PHACTR2: variants seen among roughly 807,000 people sequenced by gnomAD.
PHACTR2 encodes the protein chromosome 6 open reading frame 56.
A neutral mutation model predicts 76.0 loss-of-function variants in PHACTR2; 30 were observed. That is an observed-to-expected ratio of 0.39 (90% CI 0.30 to 0.54). The LOEUF is 0.54. Among genes scored for constraint, PHACTR2 ranks in the 20% least tolerant of loss-of-function variants. The pLI, the probability that PHACTR2 is intolerant of heterozygous loss-of-function variation, is 0.61. For synonymous variants in PHACTR2, 292 were observed against 292.5 expected (o/e 1.00, Z 0.02); for missense variants, 696 against 781.1 (o/e 0.89, Z 1.30).
intron 1 of PHACTR2, among the ~76,000 whole-genome samples, chr6:143,563,768 G>A (rs150883340): frequency 0.01 from 1,574 of 151,528 alleles, 32 homozygotes; most frequent in African/African-American, 0.036. Flanking sequence ...GGACAAGGCA[G>A]GTGGATCACT....
rs534911063 is a variant in PHACTR2 at position 143,756,790 on chromosome 6, G to A, written c.454+2878G>A. 5.1e-4 allele frequency among the ~76,000 whole-genome samples: 77 copies of A among 152,058 alleles called. 1 individual carries two copies. In the South Asian group the frequency reaches 0.011, roughly 22 times the overall value. ...ATAAGAAATCTTATGGCTCACGCCT[G>A]TAATCTCAGCACTTTGAGAGGCCAA... On this transcript the variant is annotated intron_variant, in intron 4 of 12. Transcript: ENST00000440869.
intron 7 of PHACTR2, among the ~76,000 whole-genome samples, chr6:143,773,743 A>G (rs1311022988): frequency 6.6e-6 from 1 of 152,228 alleles, no homozygotes; most frequent in Non-Finnish European, 1.5e-5. Context: ...TTGTGCAATC[A>G]TTCATTTCTA....
In PHACTR2 at chr6:143,787,610, T is replaced by G. The variant is rs1271430424; in HGVS notation, c.1708-1163T>G. 6.6e-6 allele frequency among the ~76,000 whole-genome samples: 1 copy of G among 152,130 alleles called. No homozygotes were observed. Among genetic ancestry groups the G allele is most frequent in the East Asian group, 1.9e-4 (1 of 5,176 alleles). ...TAATGACTACAGAATGTAGACCCAG[T>G]GCAAAATAAGGAATATCTCTGGACA... On this transcript the variant is annotated intron_variant, in intron 10 of 12. Coordinates refer to ENST00000440869, the MANE Select transcript of PHACTR2 (RefSeq NM_001100164.2). This position sits in a 1 kb window ranked among gnomAD's most constrained non-coding sequence, Gnocchi z 4.6.
In PHACTR2 at chr6:143,743,981, C is replaced by T. The variant is rs1446869477; in HGVS notation, c.215-5004C>T. Among the ~76,000 whole-genome samples, 2 of 152,206 alleles carry T rather than the reference C, an allele frequency of 1.3e-5. No individual in the cohort carries two copies. The highest frequency in any genetic ancestry group is 4.8e-5 in the African/African-American group (2 of 41,440). On this transcript the variant is annotated intron_variant, in intron 2 of 12. Coordinates refer to ENST00000440869, the MANE Select transcript of PHACTR2 (RefSeq NM_001100164.2). This position sits in a 1 kb window ranked among gnomAD's most constrained non-coding sequence, Gnocchi z 5.0. The stretch of plus-strand genomic sequence containing the variant: ...AAAAGCCAGCGGCATATGCTCCAGC[C>T]TCTTTTCCTGAGTGCAGCTCCACAG...
At chr6:143,643,919 G>C (rs982934992) in intron 1 of PHACTR2, among the ~76,000 whole-genome samples, 1 of 152,062 alleles carries the variant, frequency 6.6e-6, no homozygotes, top group African/African-American at 2.4e-5. Context: ...ATGTGATGTT[G>C]CTTACTGGAT....
rs1778690042 is a variant in PHACTR2 at position 143,731,130 on chromosome 6, A to G, written c.215-17855A>G. Among the ~76,000 whole-genome samples the G allele has an allele frequency of 6.6e-6, 1 of 152,182 alleles. No individual in the cohort carries two copies. On this transcript the variant is annotated intron_variant, in intron 2 of 12. Coordinates refer to ENST00000440869, the MANE Select transcript of PHACTR2 (RefSeq NM_001100164.2). This position sits in a 1 kb window ranked among gnomAD's most constrained non-coding sequence, Gnocchi z 4.9. ...TGACTTTCTAAGAGTATTTATTATG[A>G]ATAGATATTGGATTTCTCAAACGCA...
intron 1 of PHACTR2, among the ~76,000 whole-genome samples, chr6:143,651,145 A>G (rs995352818): frequency 6.6e-6 from 1 of 152,222 alleles, no homozygotes; most frequent in Non-Finnish European, 1.5e-5. Context: ...TTGAGATGCC[A>G]TCTCATGCCA....
rs1454960076 is a variant in PHACTR2 at position 143,650,861 on chromosome 6, AC to A, written c.13+42540del. 5.9e-5 allele frequency among the ~76,000 whole-genome samples: 9 copies of A among 152,338 alleles called. No homozygotes were observed. The South Asian group carries it at 1.7e-3, about 28-fold the overall frequency. ...TCTAATCAAACTAAAGAGCTTCTGA[AC>A]AACAAAAAAAACTGTCATCAGAATG... On this transcript the variant is annotated intron_variant, in intron 1 of 11. Transcript: ENST00000305766.
chr6:143,754,155 A>G lies in PHACTR2; in HGVS notation c.454+243A>G. ...ATTAAAAATGTTAATTAAAAGTAAT[A>G]ATCAGAAGGGGTGGCCTCTTTAATC... On this transcript the variant is annotated intron_variant, in intron 4 of 12. Transcript: ENST00000440869. The surrounding 1 kb of genome is among the most constrained non-coding windows in gnomAD (Gnocchi z 6.2). 3.7e-6 allele frequency: 1 copy of G among 272,448 alleles called. No homozygotes were observed. The highest frequency in any genetic ancestry group is 6.9e-6 in the Non-Finnish European group (1 of 145,668). The allele number at this position is 272,448 out of a possible 1,614,324, so 16.9% of individuals were successfully genotyped here.
rs1246477957 is a variant in PHACTR2 at position 143,742,728 on chromosome 6, C to T, written c.215-6257C>T. On this transcript the variant is annotated intron_variant, in intron 2 of 12. Coordinates refer to ENST00000440869, the MANE Select transcript of PHACTR2 (RefSeq NM_001100164.2). The surrounding 1 kb of genome is among the most constrained non-coding windows in gnomAD (Gnocchi z 4.5). ...GATGCTAGACATGCCTTTCCTCCTT[C>T]CCCCCAAAAAGACACTTAGGTCCCC... Among the ~76,000 whole-genome samples the T allele has an allele frequency of 1.3e-5, 2 of 152,154 alleles. No homozygotes were observed. The highest frequency in any genetic ancestry group is 2.9e-5 in the Non-Finnish European group (2 of 68,026).
At chr6:143,792,585 C>A (rs1775716582) in intron 11 of PHACTR2, among the ~76,000 whole-genome samples, 1 of 152,094 alleles carries the variant, frequency 6.6e-6, no homozygotes, top group African/African-American at 2.4e-5. Context: ...CAGGGCTCAG[C>A]TAGGTGATTC....
rs1328194183 is a variant in PHACTR2, at chr6:143,652,890, A to G, written c.13+44568A>G. On this transcript the variant is annotated intron_variant, in intron 1 of 11. Transcript: ENST00000305766. This position sits in a 1 kb window ranked among gnomAD's most constrained non-coding sequence, Gnocchi z 4.5. ...GCAGCCACTCTAAGGAGGATGATTCATGGTCCCTGTGCAGGCACTGCACCC... is the reference window on the plus strand; with the variant it reads ...GCAGCCACTCTAAGGAGGATGATTCGTGGTCCCTGTGCAGGCACTGCACCC... 2.0e-5 allele frequency among the ~76,000 whole-genome samples: 3 copies of G among 152,222 alleles called. No homozygotes were observed. The highest frequency in any genetic ancestry group is 6.5e-5 in the Admixed American group (1 of 15,282).
intron 6 of PHACTR2, among the ~76,000 whole-genome samples, chr6:143,771,176 A>ATATATATATATG (rs1562300755): frequency 1.0e-4 from 2 of 19,118 alleles, no homozygotes; most frequent in African/African-American, 4.9e-4. Context: ...ATATATATGT[A>ATATATATATATG]TATATATATA....
intron 11 of PHACTR2, among the ~76,000 whole-genome samples, chr6:143,798,132 C>A (rs1775867607): frequency 6.6e-6 from 1 of 151,986 alleles, no homozygotes; most frequent in Non-Finnish European, 1.5e-5. Context: ...TAAGTTGTGT[C>A]CCTACGTATT....
At chr6:143,605,885 T>C (rs1775863941), upstream of PHACTR2, among the ~76,000 whole-genome samples, 1 of 152,226 alleles carries the variant, frequency 6.6e-6, no homozygotes, top group Non-Finnish European at 1.5e-5. The surrounding 1 kb of genome is among the most constrained non-coding windows in gnomAD (Gnocchi z 5.0). Context: ...TGGGGTATGA[T>C]GTGATATAAT....
At chr6:143,725,521 C>A (rs980709501) in intron 2 of PHACTR2, among the ~76,000 whole-genome samples, 4 of 151,698 alleles carry the variant, frequency 2.6e-5, no homozygotes, top group African/African-American at 7.3e-5. Flanking sequence ...TTTATAGTCA[C>A]GCCTTCCCAA....
At position 143,585,629 on chromosome 6, in the gene PHACTR2, A is replaced by T. The variant is rs1369439818; in HGVS notation, c.217+48422A>T. Reference sequence around the variant, plus strand: ...TGTGTTCTGAAAAAGACTAATTGGGACCAGAAAGCAAGCTCCATGAAGGCA... The same window carrying T: ...TGTGTTCTGAAAAAGACTAATTGGGTCCAGAAAGCAAGCTCCATGAAGGCA... On this transcript the variant is annotated intron_variant, in intron 1 of 11. Transcript: ENST00000367584. The surrounding 1 kb of genome is among the most constrained non-coding windows in gnomAD (Gnocchi z 5.2). Among the ~76,000 whole-genome samples, 1 of 152,106 alleles carries T rather than the reference A, an allele frequency of 6.6e-6. No homozygotes were observed. Among genetic ancestry groups the T allele is most frequent in the Non-Finnish European group, 1.5e-5 (1 of 68,020 alleles).
At position 143,625,999 on chromosome 6, in the gene PHACTR2, G is replaced by A. The variant is rs76301902; in HGVS notation, c.13+17677G>A. Among the ~76,000 whole-genome samples the A allele has an allele frequency of 0.033, 5,031 of 152,312 alleles. 110 individuals are homozygous for A. The highest frequency in any genetic ancestry group is 0.058 in the Middle Eastern group (17 of 294). ...GTTACAAAATTTGGGAGATTTGCAAGCATAGCTTTGTAAAACCTTCTTTGA... is the reference window on the plus strand; with the variant it reads ...GTTACAAAATTTGGGAGATTTGCAAACATAGCTTTGTAAAACCTTCTTTGA... On this transcript the variant is annotated intron_variant, in intron 1 of 11. Transcript: ENST00000305766. The surrounding 1 kb of genome is among the most constrained non-coding windows in gnomAD (Gnocchi z 4.3).
intron 1 of PHACTR2, among the ~76,000 whole-genome samples, chr6:143,574,478 C>G (rs1447360138): frequency 6.6e-6 from 1 of 152,138 alleles, no homozygotes; most frequent in Non-Finnish European, 1.5e-5. Flanking sequence ...GGTTCAATGT[C>G]TCTCAACATT....
Sources: gnomAD v4.1 joint callset for allele counts (sites outside exome capture counted in the v4.1 genomes callset) on GRCh38, gnomAD v4.1.1 for gene constraint, Gnocchi (gnomAD v3.1) non-coding constraint, MANE v1.5 for transcripts, NCBI Gene and HGNC (gene_info 2026-07-23, HGNC 2026-07-21) for gene names.